DUSP16: variants seen among roughly 807,000 people sequenced by gnomAD.
DUSP16 encodes dual specificity phosphatase 16.
Under a neutral mutation model 58.3 loss-of-function variants are expected in DUSP16, and 21 were observed. The ratio of observed to expected loss-of-function variants is 0.36; its 90% CI spans 0.26 to 0.52. The LOEUF (loss-of-function observed/expected upper bound fraction) is 0.52. Ranked by LOEUF, DUSP16 falls within the 20% of genes least tolerant of loss-of-function variation. DUSP16 has a pLI of 0.94. For missense variants in DUSP16, 726 were observed against 819.0 expected, an observed-to-expected ratio of 0.89 and a Z score of 1.39; for synonymous variants, 320 against 323.8, an observed-to-expected ratio of 0.99 and a Z score of 0.12.
At chr12:12,503,967 A>C (rs145841856) in intron 3 of DUSP16, among the ~76,000 whole-genome samples, 1 of 152,194 alleles carries the variant, frequency 6.6e-6, no homozygotes, top group Non-Finnish European at 1.5e-5. Flanking sequence ...CCCACAGACA[A>C]TCTCAAAAAA....
At chr12:12,517,333 C>A (rs1177729230) in intron 3 of DUSP16, among the ~76,000 whole-genome samples, 1 of 152,190 alleles carries the variant, frequency 6.6e-6, no homozygotes, top group African/African-American at 2.4e-5. Context: ...GTCACAGGGG[C>A]AGTTTGTAGT....
At chr12:12,537,354 C>G (rs73293632) in intron 1 of DUSP16, among the ~76,000 whole-genome samples, 1 of 152,154 alleles carries the variant, frequency 6.6e-6, no homozygotes, top group Non-Finnish European at 1.5e-5. Flanking sequence ...AGCCCTATGA[C>G]AGCAATGCTA....
chr12:12,485,112 C>G (rs1404991327), intron 5 of DUSP16, among the ~76,000 whole-genome samples: 1 of 149,900 alleles, frequency 6.7e-6, no homozygotes, highest in Admixed American at 6.6e-5. Flanking sequence ...TGGATTCAAG[C>G]AATTCTCCTG....
intron 1 of DUSP16, among the ~76,000 whole-genome samples, chr12:12,533,984 T>G (rs1446421254): frequency 1.3e-5 from 2 of 152,234 alleles, no homozygotes; most frequent in East Asian, 3.8e-4. Context: ...AGTCATATTA[T>G]GGTGTGAGAG....
chr12:12,527,833 C>T (rs527299350), intron 1 of DUSP16, among the ~76,000 whole-genome samples: 8 of 152,272 alleles, frequency 5.3e-5, no homozygotes, highest in South Asian at 2.1e-4. Flanking sequence ...CCAGTTGCCT[C>T]GCACTGACAT....
chr12:12,504,331 A>C (rs1943953329), intron 3 of DUSP16, among the ~76,000 whole-genome samples: 1 of 151,936 alleles, frequency 6.6e-6, no homozygotes, highest in Admixed American at 6.6e-5. Flanking sequence ...GCATGATCTC[A>C]GCTCACTGCA....
chr12:12,546,266 T>C (rs902632486), intron 1 of DUSP16, among the ~76,000 whole-genome samples: 7 of 152,206 alleles, frequency 4.6e-5, no homozygotes, highest in Admixed American at 3.9e-4. Flanking sequence ...TTACCTGTGT[T>C]TCGTGGTTGT....
chr12:12,480,804 C>T (rs1165948860), intron 5 of DUSP16, among the ~76,000 whole-genome samples: 3 of 152,288 alleles, frequency 2.0e-5, no homozygotes, highest in South Asian at 2.1e-4. Flanking sequence ...TTGCAATCTC[C>T]GCCTCCCGGA....
chr12:12,507,624 T>G (rs1300991781), intron 3 of DUSP16, among the ~76,000 whole-genome samples: 1 of 152,128 alleles, frequency 6.6e-6, no homozygotes, highest in Non-Finnish European at 1.5e-5. Context: ...TTGTTGTTTT[T>G]TGGAGATGGA....
intron 3 of DUSP16, among the ~76,000 whole-genome samples, chr12:12,501,383 G>A (rs1943907603): frequency 6.6e-6 from 1 of 152,196 alleles, no homozygotes; most frequent in Non-Finnish European, 1.5e-5. Context: ...CTCAGAATTA[G>A]AAGAATTCAG....
Position 12,477,649 on chromosome 12 carries a change from A to G in DUSP16, c.1182T>C (p.Asn394=), listed in dbSNP as rs1225059265. The change falls in exon 7 of 7, where the codon AAT becomes AAC. Residue 394 remains asparagine, a synonymous_variant. Transcript: ENST00000298573. The surrounding 1 kb of genome is among the most constrained non-coding windows in gnomAD (Gnocchi z 4.1). The part of the protein sequence containing the change: ...HLSADRLEDS[N]KLKRSFSLDI... Reference sequence around the variant, plus strand: ...CCAGAGAGAAGGAACGCTTGAGCTTATTGCTGTCTTCCAGCCTGTCTGCGG... The same window carrying G: ...CCAGAGAGAAGGAACGCTTGAGCTTGTTGCTGTCTTCCAGCCTGTCTGCGG... The G allele has an allele frequency of 6.2e-7, 1 of 1,614,104 alleles. No individual in the cohort carries two copies. Among genetic ancestry groups the G allele is most frequent in the East Asian group, 2.2e-5 (1 of 44,898 alleles).
At chr12:12,481,715 CAAAT>C (rs1943568605) in intron 5 of DUSP16, among the ~76,000 whole-genome samples, 3 of 151,674 alleles carry the variant, frequency 2.0e-5, no homozygotes, top group African/African-American at 7.3e-5. Flanking sequence ...AAAACACTAA[CAAAT>C]GAATACCAAG....
chr12:12,554,376 C>T (rs1321001198), intron 1 of DUSP16, among the ~76,000 whole-genome samples: 4 of 152,096 alleles, frequency 2.6e-5, no homozygotes, highest in African/African-American at 9.7e-5. Flanking sequence ...TCCCAAAGTA[C>T]TGGATCATAA....
intron 1 of DUSP16, among the ~76,000 whole-genome samples, chr12:12,524,968 T>C (rs1944283701): frequency 6.6e-6 from 1 of 152,214 alleles, no homozygotes; most frequent in Non-Finnish European, 1.5e-5. Context: ...CTTCTACCAT[T>C]ATCCTCCATC....
chr12:12,506,212 T>C (rs1267188041), intron 3 of DUSP16: 1 of 152,230 alleles, frequency 6.6e-6, no homozygotes, highest in Non-Finnish European at 1.5e-5. Flanking sequence ...AACTCAGTTT[T>C]GAAACATGCT....
intron 1 of DUSP16, among the ~76,000 whole-genome samples, chr12:12,559,082 C>G (rs1384588469): frequency 6.6e-6 from 1 of 152,132 alleles, no homozygotes; most frequent in Non-Finnish European, 1.5e-5. Context: ...CTTCACACAG[C>G]CAACCCTTGA....
rs184482837 is a variant in DUSP16 at position 12,555,240 on chromosome 12, G to A, written c.-366+6877C>T. On this transcript the variant is annotated intron_variant, in intron 1 of 6. Coordinates refer to ENST00000298573, the MANE Select transcript of DUSP16 (RefSeq NM_030640.3). ...GTCAGCCACAGGGTCAAAGCTGGAG[G>A]TGAGGTCAGAGACCCCGTTCTAGAG... Among the ~76,000 whole-genome samples, 129 of 152,358 alleles carry A rather than the reference G, an allele frequency of 8.5e-4. 1 individual carries two copies. Among genetic ancestry groups the A allele is most frequent in the Admixed American group, 8.3e-3 (127 of 15,296 alleles).
At chr12:12,540,944 C>CTGTTTTTTTTTTTTTT (rs1944546015) in intron 1 of DUSP16, among the ~76,000 whole-genome samples, 1 of 100,686 alleles carries the variant, frequency 9.9e-6, no homozygotes, top group African/African-American at 4.0e-5. Context: ...CTTTTCTTTT[C>CTGTTTTTTTTTTTTTT]TTTTCTTTTT....
At chr12:12,515,044 A>G (rs935709567) in intron 3 of DUSP16, among the ~76,000 whole-genome samples, 3 of 152,168 alleles carry the variant, frequency 2.0e-5, no homozygotes, top group African/African-American at 7.2e-5. Context: ...TACAAGTTCA[A>G]AATATAGTTT....
Sources: allele counts gnomAD v4.1 joint callset (sites outside exome capture counted in the v4.1 genomes callset), GRCh38; gene constraint gnomAD v4.1.1; non-coding constraint Gnocchi (gnomAD v3.1); transcripts MANE v1.5; gene names NCBI Gene and HGNC (gene_info 2026-07-23, HGNC 2026-07-21).